The following DLG2 variants were observed in gnomAD, a reference collection of about 807,000 sequenced individuals.
DLG2 encodes disks large homolog 2.
DLG2 carries 45 observed loss-of-function variants against 132.5 expected under a neutral mutation model. That is an observed-to-expected ratio of 0.34 (90% CI 0.27 to 0.44). The LOEUF (loss-of-function observed/expected upper bound fraction) is 0.44. Among genes scored for constraint, DLG2 ranks in the 20% least tolerant of loss-of-function variants. The pLI is 1.00. For missense variants in DLG2, 1,045 were observed against 1,196.9 expected, an observed-to-expected ratio of 0.87 and a Z score of 1.87; for synonymous variants, 424 against 419.6, an observed-to-expected ratio of 1.01 and a Z score of -0.13.
chr11:84,851,769 A>T (rs2082195608), intron 6 of DLG2, among the ~76,000 whole-genome samples: 1 of 151,944 alleles, frequency 6.6e-6, no homozygotes, highest in Non-Finnish European at 1.5e-5. Context: ...TAGAGTCATT[A>T]ACAGACAAGG....
At chr11:83,522,804 G>GCCC (rs60229392) in intron 21 of DLG2, among the ~76,000 whole-genome samples, 1 of 132,248 alleles carries the variant, frequency 7.6e-6, no homozygotes, top group African/African-American at 2.8e-5. Flanking sequence ...TAATTTTAGA[G>GCCC]CCCCCCCCCC....
At chr11:84,141,134 A>T (rs879343245) in intron 9 of DLG2, among the ~76,000 whole-genome samples, 17 of 152,170 alleles carry the variant, frequency 1.1e-4, no homozygotes, top group Non-Finnish European at 2.9e-5. Context: ...CACTGCTACC[A>T]GCACTAGAAA....
At chr11:85,519,885 C>A (rs962632634) in intron 3 of DLG2, among the ~76,000 whole-genome samples, 1 of 152,096 alleles carries the variant, frequency 6.6e-6, no homozygotes, top group African/African-American at 2.4e-5. Flanking sequence ...CTCTTGTCTG[C>A]CACCATGTGA....
At chr11:84,498,454 A>C (rs1197546206) in intron 7 of DLG2, among the ~76,000 whole-genome samples, 1 of 152,116 alleles carries the variant, frequency 6.6e-6, no homozygotes, top group Non-Finnish European at 1.5e-5. Flanking sequence ...CACCACCAAC[A>C]ACAAAATTCT....
intron 8 of DLG2, among the ~76,000 whole-genome samples, chr11:84,174,002 TCACCCCCCGGC>T (rs1296505803): frequency 8.1e-6 from 1 of 124,168 alleles, no homozygotes; most frequent in Non-Finnish European, 1.7e-5. Context: ...AGTTTTGACT[TCACCCCCCGGC>T]CTTTTTTTTT....
intron 12 of DLG2, among the ~76,000 whole-genome samples, chr11:83,974,698 T>C (rs76335957): frequency 0.021 from 3,252 of 152,102 alleles, 109 homozygotes; most frequent in African/African-American, 0.072. Flanking sequence ...CTTTTGGAAA[T>C]ACCAATCTAA....
At chr11:84,019,814 G>A (rs2095337507) in intron 11 of DLG2, among the ~76,000 whole-genome samples, 1 of 152,142 alleles carries the variant, frequency 6.6e-6, no homozygotes, top group African/African-American at 2.4e-5. Flanking sequence ...GAGAGTCATG[G>A]AACAGATTCT....
chr11:85,311,052 T>A (rs2080282334), intron 3 of DLG2, among the ~76,000 whole-genome samples: 2 of 152,326 alleles, frequency 1.3e-5, no homozygotes, highest in South Asian at 4.1e-4. Context: ...ATATGGCTTA[T>A]GAGCTAAGAA....
chr11:84,203,823 G>C (rs1373947747), intron 8 of DLG2, among the ~76,000 whole-genome samples: 1 of 152,176 alleles, frequency 6.6e-6, no homozygotes, highest in African/African-American at 2.4e-5. Flanking sequence ...ACAGCTAATA[G>C]AGGCTGGTCT....
intron 6 of DLG2, among the ~76,000 whole-genome samples, chr11:85,033,597 T>C (rs2061208602): frequency 6.6e-6 from 1 of 152,204 alleles, no homozygotes; most frequent in Non-Finnish European, 1.5e-5. Flanking sequence ...AGTCACCCTT[T>C]GAGGGATTCA....
At chr11:83,590,233 G>C (rs1282220686) in intron 19 of DLG2, among the ~76,000 whole-genome samples, 12 of 151,026 alleles carry the variant, frequency 7.9e-5, no homozygotes, top group South Asian at 4.2e-4. Flanking sequence ...TGACCACATA[G>C]TTGGAAGTAA....
At chr11:83,874,235 C>G (rs2064115608) in intron 16 of DLG2, among the ~76,000 whole-genome samples, 185 bp downstream of exon 16, 1 of 28,168 alleles carries the variant, frequency 3.6e-5, no homozygotes, top group South Asian at 2.1e-3. Flanking sequence ...GAAAGAAAGA[C>G]AAAGAAAGAA....
At chr11:85,489,721 C>G (rs1459191583) in intron 3 of DLG2, among the ~76,000 whole-genome samples, 1 of 152,076 alleles carries the variant, frequency 6.6e-6, no homozygotes, top group Non-Finnish European at 1.5e-5. Context: ...AGTATCTTCT[C>G]AGATCATAGT....
At chr11:83,565,374 C>A (rs577719686) in intron 19 of DLG2, among the ~76,000 whole-genome samples, 2 of 151,838 alleles carry the variant, frequency 1.3e-5, no homozygotes, top group East Asian at 3.9e-4. Flanking sequence ...TTAATTTGCA[C>A]CAGAACACTG....
At chr11:83,476,322 C>T (rs539929661) in intron 22 of DLG2, among the ~76,000 whole-genome samples, 3 of 152,126 alleles carry the variant, frequency 2.0e-5, no homozygotes, top group Non-Finnish European at 2.9e-5. Flanking sequence ...TGATCATTGC[C>T]GGGATTACTG....
At chr11:85,467,389 G>C (rs1367853743) in intron 3 of DLG2, among the ~76,000 whole-genome samples, 1 of 152,134 alleles carries the variant, frequency 6.6e-6, no homozygotes, top group Non-Finnish European at 1.5e-5. Flanking sequence ...TCTTGTGCCA[G>C]TTTTCAAAGG....
intron 18 of DLG2, among the ~76,000 whole-genome samples, chr11:83,769,092 C>T (rs2094270864): frequency 6.6e-6 from 1 of 152,210 alleles, no homozygotes; most frequent in African/African-American, 2.4e-5. Flanking sequence ...TAACTAGTTA[C>T]TACCTGTTCT....
chr11:85,460,053 C>T (rs1337989540), intron 3 of DLG2, among the ~76,000 whole-genome samples: 1 of 152,188 alleles, frequency 6.6e-6, no homozygotes, highest in Non-Finnish European at 1.5e-5. Flanking sequence ...GGAGCTCCAT[C>T]CCAGGGAAGT....
At chr11:84,626,816 C>T (rs1370178874) in intron 6 of DLG2, among the ~76,000 whole-genome samples, 1 of 143,774 alleles carries the variant, frequency 7.0e-6, no homozygotes, top group East Asian at 2.0e-4. Context: ...TTTATATGCT[C>T]TTTTTGGAAG....
Sources: gnomAD v4.1 joint callset for allele counts (sites outside exome capture counted in the v4.1 genomes callset) on GRCh38, gnomAD v4.1.1 for gene constraint, MANE v1.5 for transcripts, NCBI Gene and HGNC (gene_info 2026-07-23, HGNC 2026-07-21) for gene names.